The following PRKN variants were observed in gnomAD, a reference collection of about 807,000 sequenced individuals.
PRKN encodes parkin RBR E3 ubiquitin protein ligase.
PRKN carries 56 observed loss-of-function variants against 59.5 expected under a neutral mutation model. The observed-to-expected ratio is 0.94, with a 90% confidence interval of 0.76 to 1.18. The LOEUF is 1.18. Among genes scored for constraint, PRKN ranks in the 50% most tolerant of loss-of-function variants. PRKN has a pLI of 0.00. For synonymous variants in PRKN, 250 were observed against 222.1 expected (o/e 1.13, Z -1.12); for missense variants, 657 against 596.4 (o/e 1.10, Z -1.06).
intron 3 of PRKN, among the ~76,000 whole-genome samples, chr6:162,257,352 G>A (rs1474805167): frequency 6.6e-6 from 1 of 151,896 alleles, no homozygotes. Flanking sequence ...TATACCTTGT[G>A]ATATAGTTTT....
At chr6:161,698,304 T>C (rs576426338) in intron 7 of PRKN, among the ~76,000 whole-genome samples, 2 of 152,192 alleles carry the variant, frequency 1.3e-5, no homozygotes, top group South Asian at 4.1e-4. Context: ...GAATTTACAA[T>C]GGAGAAAATA....
Position 161,442,637 on chromosome 6 carries a change from C to T in PRKN, c.1084-55760G>A, listed in dbSNP as rs1308203051. The stretch of plus-strand genomic sequence containing the variant: ...CAAGGGTGGCCTTCGCTGTCTTGGA[C>T]TGGACGGGCTGGACTCCCAGCTGAA... On this transcript the variant is annotated intron_variant, in intron 9 of 11. Coordinates refer to ENST00000366898, the MANE Select transcript of PRKN (RefSeq NM_004562.3). This position sits in a 1 kb window ranked among gnomAD's most constrained non-coding sequence, Gnocchi z 4.6. Among the ~76,000 whole-genome samples, 1 of 152,170 alleles carries T rather than the reference C, an allele frequency of 6.6e-6. No individual in the cohort carries two copies. Among genetic ancestry groups the T allele is most frequent in the Non-Finnish European group, 1.5e-5 (1 of 68,038 alleles).
chr6:162,116,033 G>C (rs1780656650), intron 4 of PRKN, among the ~76,000 whole-genome samples: 2 of 152,162 alleles, frequency 1.3e-5, no homozygotes, highest in Non-Finnish European at 2.9e-5. Flanking sequence ...AAAAGATATA[G>C]ATAGGAATTC....
intron 7 of PRKN, among the ~76,000 whole-genome samples, chr6:161,612,188 G>A (rs1017963422): frequency 5.9e-5 from 9 of 152,198 alleles, no homozygotes; most frequent in African/African-American, 1.4e-4. Flanking sequence ...TATAGAAACC[G>A]CAGCAAGTCA....
chr6:162,579,516 G>A (rs562214204), intron 1 of PRKN, among the ~76,000 whole-genome samples: 1 of 148,436 alleles, frequency 6.7e-6, no homozygotes, highest in Non-Finnish European at 1.5e-5. Context: ...CACACACACA[G>A]ATTCACACAG....
intron 2 of PRKN, among the ~76,000 whole-genome samples, chr6:162,290,792 C>T (rs953853289): frequency 2.0e-5 from 3 of 152,118 alleles, no homozygotes; most frequent in African/African-American, 7.2e-5. Context: ...TACAAATTTT[C>T]TGGCATGGAA....
chr6:162,719,959 C>T (rs1054662032), intron 1 of PRKN, among the ~76,000 whole-genome samples: 3 of 151,608 alleles, frequency 2.0e-5, no homozygotes, highest in African/African-American at 7.3e-5. Context: ...TACAAATGTT[C>T]CTTCCTATTT....
chr6:161,765,877 G>A (rs964672991), intron 7 of PRKN, among the ~76,000 whole-genome samples: 2 of 152,292 alleles, frequency 1.3e-5, no homozygotes, highest in African/African-American at 4.8e-5. Flanking sequence ...AAACGAGCAT[G>A]TTCAAATTAA....
At chr6:161,633,456 A>C (rs1426594729) in intron 7 of PRKN, among the ~76,000 whole-genome samples, 2 of 152,226 alleles carry the variant, frequency 1.3e-5, no homozygotes, top group Non-Finnish European at 2.9e-5. Context: ...TTAACAGCTT[A>C]ATAGGGTTGG....
At chr6:161,415,700 C>T (rs1287158305) in intron 9 of PRKN, among the ~76,000 whole-genome samples, 2 of 150,478 alleles carry the variant, frequency 1.3e-5, no homozygotes, top group Non-Finnish European at 3.0e-5. Flanking sequence ...GGAGTCTGCC[C>T]GGCCCCTCCT....
At chr6:161,936,048 C>T (rs372486513) in intron 6 of PRKN, among the ~76,000 whole-genome samples, 1 of 152,088 alleles carries the variant, frequency 6.6e-6, no homozygotes, top group African/African-American at 2.4e-5. Context: ...CAAATGAGAT[C>T]AACATCCTGA....
At chr6:161,787,381 T>C (rs974661908) in intron 6 of PRKN, among the ~76,000 whole-genome samples, 2 of 152,162 alleles carry the variant, frequency 1.3e-5, no homozygotes, top group Non-Finnish European at 2.9e-5. Context: ...TTGGAACCTA[T>C]CCAAGTCCTT....
intron 6 of PRKN, among the ~76,000 whole-genome samples, chr6:161,864,235 T>G (rs1040324831): frequency 2.6e-5 from 4 of 152,234 alleles, no homozygotes; most frequent in African/African-American, 9.6e-5. Context: ...CAAACCCTGC[T>G]GCTGCCTCAT....
At chr6:161,654,490 C>T (rs1320106757) in intron 7 of PRKN, among the ~76,000 whole-genome samples, 10 of 152,108 alleles carry the variant, frequency 6.6e-5, no homozygotes. Context: ...GGATAGAAGA[C>T]GATCAAGGAA....
At chr6:162,602,085 T>A (rs1781734363) in intron 1 of PRKN, among the ~76,000 whole-genome samples, 1 of 152,128 alleles carries the variant, frequency 6.6e-6, no homozygotes, top group African/African-American at 2.4e-5. Flanking sequence ...CATCCCCATG[T>A]CATAAATGCT....
chr6:162,489,259 GC>G (rs1208825657), intron 1 of PRKN, among the ~76,000 whole-genome samples: 3 of 152,116 alleles, frequency 2.0e-5, no homozygotes, highest in African/African-American at 7.2e-5. Flanking sequence ...ATCAAGGATG[GC>G]ATTATATTCT....
In PRKN at chr6:161,551,663, C is replaced by T. The variant is rs1390766963; in HGVS notation, c.934-2660G>A. On this transcript the variant is annotated intron_variant, in intron 8 of 11. Coordinates refer to ENST00000366898, the MANE Select transcript of PRKN (RefSeq NM_004562.3). This position sits in a 1 kb window ranked among gnomAD's most constrained non-coding sequence, Gnocchi z 5.2. The stretch of plus-strand genomic sequence containing the variant: ...CTTTGGAGTGGAGTCCAGAAAGACT[C>T]GGAGGAGAGAAATTCAAAGAAGTGA... Among the ~76,000 whole-genome samples, 2 of 151,800 alleles carry T rather than the reference C, an allele frequency of 1.3e-5. No individual in the cohort carries two copies. Among genetic ancestry groups the T allele is most frequent in the African/African-American group, 4.8e-5 (2 of 41,258 alleles).
Position 161,457,797 on chromosome 6 carries a change from A to C in PRKN, c.1084-70920T>G, listed in dbSNP as rs1790038223. On this transcript the variant is annotated intron_variant, in intron 9 of 11. Coordinates refer to ENST00000366898, the MANE Select transcript of PRKN (RefSeq NM_004562.3). This position sits in a 1 kb window ranked among gnomAD's most constrained non-coding sequence, Gnocchi z 5.0. ...GTGTTACCACACTCTTAATATGAAA[A>C]CATGTGTGATAAGAAGTCCAACATT... is the stretch of plus-strand genomic sequence containing the variant. 2.6e-5 allele frequency among the ~76,000 whole-genome samples: 4 copies of C among 152,358 alleles called. No individual in the cohort carries two copies. The South Asian group carries it at 8.3e-4, about 32-fold the overall frequency.
At chr6:162,280,869 C>A (rs1321577643) in intron 2 of PRKN, among the ~76,000 whole-genome samples, 5 of 146,220 alleles carry the variant, frequency 3.4e-5, no homozygotes, top group Non-Finnish European at 6.0e-5. Flanking sequence ...CTGAAGGAGA[C>A]AGAGACATGA....
Sources: gnomAD v4.1 joint callset for allele counts (sites outside exome capture counted in the v4.1 genomes callset) on GRCh38, gnomAD v4.1.1 for gene constraint, Gnocchi (gnomAD v3.1) non-coding constraint, MANE v1.5 for transcripts, NCBI Gene and HGNC (gene_info 2026-07-23, HGNC 2026-07-21) for gene names.